Variants in OR6N2 observed in about 807,000 individuals in gnomAD.
OR6N2 encodes olfactory receptor family 6 subfamily N member 2.
For missense variants in OR6N2, 399 were observed against 379.7 expected, an observed-to-expected ratio of 1.05 and a Z score of -0.42; for synonymous variants, 160 against 138.3, an observed-to-expected ratio of 1.16 and a Z score of -1.10.
Position 158,776,966 on chromosome 1 carries a change from C to T in OR6N2, c.670G>A (p.Ala224Thr). 1.2e-6 allele frequency: 2 copies of T among 1,614,066 alleles called. No homozygotes were observed. Among genetic ancestry groups the T allele is most frequent in the Admixed American group, 1.7e-5 (1 of 60,000 alleles). ...IMISYARIIG[A>T]VLKIKTASGR... is the part of the protein sequence containing the mutation. ...GATGCTGTTTTTATCTTCAGCACAG[C>T]CCCAATGATCCTTGCATAAGAAATC... Residue 224 changes from alanine to threonine, a missense_variant, in exon 2 of 2, where the codon GCT becomes ACT. By Grantham distance (58) the Ala-to-Thr change is moderately conservative. Coordinates refer to ENST00000641131, the MANE Select transcript of OR6N2 (RefSeq NM_001005278.2).
Position 158,775,093 on chromosome 1 carries a change from T to C in OR6N2, c.*1589A>G, listed in dbSNP as rs917940221. 2 of 152,202 alleles carry C rather than the reference T, an allele frequency of 1.3e-5. No homozygotes were observed. Among genetic ancestry groups the C allele is most frequent in the Non-Finnish European group, 2.9e-5 (2 of 68,036 alleles). 9.4% of individuals were successfully genotyped at this position (152,202 alleles called of 1,614,324 possible). ...AGACCAAATCTAGTTTATAGATACT[T>C]GTAGGAAAGAATGACAAACTATATC... On this transcript the variant is annotated 3_prime_UTR_variant, in exon 2 of 2. Transcript: ENST00000641131.
At chr1:158,780,183 C>A (rs1207197400) in intron 1 of OR6N2, among the ~76,000 whole-genome samples, 1 of 152,072 alleles carries the variant, frequency 6.6e-6, no homozygotes, top group Non-Finnish European at 1.5e-5. Flanking sequence ...TCCCACTGAC[C>A]CAGAGAAATT....
Position 158,776,892 on chromosome 1 carries a change from G to C in OR6N2, c.744C>G (p.Val248=). The change falls in exon 2 of 2, where the codon GTC becomes GTG. Residue 248 remains valine, a synonymous_variant. Transcript: ENST00000641131. ...AGATGATGCTCCCAAAGAAGATGAG[G>C]ACCACAGCAAGATGTGAGGCACAGG... ...FSTCASHLAV[V]LIFFGSIIFM... 2 of 1,614,110 alleles carry C rather than the reference G, an allele frequency of 1.2e-6. No individual in the cohort carries two copies. Among genetic ancestry groups the C allele is most frequent in the Non-Finnish European group, 1.7e-6 (2 of 1,180,010 alleles).
At position 158,777,053 on chromosome 1, in the gene OR6N2, T is replaced by G. The variant is rs1219197600; in HGVS notation, c.583A>C (p.Asn195His). The G allele has an allele frequency of 1.9e-6, 3 of 1,614,132 alleles. No homozygotes were observed. Among genetic ancestry groups the G allele is most frequent in the Middle Eastern group, 1.6e-4 (1 of 6,062 alleles). The change falls in exon 2 of 2, where the codon AAC (asparagine) becomes CAC (histidine). Residue 195 changes from asparagine (N) to histidine (H), a missense_variant. Physicochemically the swap from Asn to His is moderately conservative, Grantham distance 68. Coordinates refer to ENST00000641131, the MANE Select transcript of OR6N2 (RefSeq NM_001005278.2). Reference protein sequence around the residue: ...LSLACKDTSANILVDFAINAF... With the variant: ...LSLACKDTSAHILVDFAINAF... ...TTAATGGCAAAGTCCACCAGAATGT[T>G]AGCAGATGTGTCCTTGCAGGCCAAG...
At chr1:158,777,775 A>G (rs1021343107) in intron 1 of OR6N2, 134 bp from the exon 2 acceptor site, 2 of 600,482 alleles carry the variant, frequency 3.3e-6, no homozygotes, top group Non-Finnish European at 6.0e-6. Context: ...CACTACTATT[A>G]CTATTACTGT....
In OR6N2 at chr1:158,776,171, G is replaced by T. The variant is rs897154020; in HGVS notation, c.*511C>A. On this transcript the variant is annotated 3_prime_UTR_variant, in exon 2 of 2. Transcript: ENST00000641131. ...GTTAGGGAGAGTTAAGGAGTAAAAAGTTAGGAGAATTGAGGCATAAAAACT... is the reference window on the plus strand; with the variant it reads ...GTTAGGGAGAGTTAAGGAGTAAAAATTTAGGAGAATTGAGGCATAAAAACT... 6.6e-6 allele frequency: 1 copy of T among 152,228 alleles called. No individual in the cohort carries two copies. Among genetic ancestry groups the T allele is most frequent in the Non-Finnish European group, 1.5e-5 (1 of 68,104 alleles). 9.4% of individuals were successfully genotyped at this position (152,228 alleles called of 1,614,324 possible). A position where few individuals can be genotyped will look rare whatever the true frequency, so the allele number is the denominator to read the frequency against.
In OR6N2 at chr1:158,774,418, A is replaced by C. The variant is rs1657527280; in HGVS notation, c.*2264T>G. ...TAGACATGCAGCAATGAGAAACAGAAGCCTGGGGTTCATCACAAGCCCATT... is the reference window on the plus strand; with the variant it reads ...TAGACATGCAGCAATGAGAAACAGACGCCTGGGGTTCATCACAAGCCCATT... On this transcript the variant is annotated 3_prime_UTR_variant, in exon 2 of 2. Coordinates refer to ENST00000641131, the MANE Select transcript of OR6N2 (RefSeq NM_001005278.2). The C allele has an allele frequency of 6.6e-6, 1 of 152,180 alleles. No individual in the cohort carries two copies. Among genetic ancestry groups the C allele is most frequent in the Admixed American group, 6.5e-5 (1 of 15,280 alleles). 9.4% of individuals were successfully genotyped at this position (152,180 alleles called of 1,614,324 possible).
rs1015482273 is a variant in OR6N2, at chr1:158,775,561, G to T, written c.*1121C>A. ...TTTATAAAATGGTATATACAATTCAGATTTCAAATACATTACTTTATATTT... is the reference window on the plus strand; with the variant it reads ...TTTATAAAATGGTATATACAATTCATATTTCAAATACATTACTTTATATTT... On this transcript the variant is annotated 3_prime_UTR_variant, in exon 2 of 2. Transcript: ENST00000641131. 6.6e-6 allele frequency: 1 copy of T among 152,154 alleles called. No homozygotes were observed. The highest frequency in any genetic ancestry group is 1.5e-5 in the Non-Finnish European group (1 of 68,034). The allele number at this position is 152,154 out of a possible 1,614,324, so 9.4% of individuals were successfully genotyped here.
chr1:158,776,849 T>A lies in OR6N2; in HGVS notation c.787A>T (p.Lys263Ter). ...GSIIFMYVRL[K>*]KSYSLTLDRT... is the part of the protein sequence containing the mutation. ...TCAAGGGTCAGGGAATAGCTCTTCTTTAGCCGCACATACATGAAGATGATG... is the reference window on the plus strand; with the variant it reads ...TCAAGGGTCAGGGAATAGCTCTTCTATAGCCGCACATACATGAAGATGATG... Residue 263 changes from lysine (K) to a stop codon, truncating the protein, a stop_gained, in exon 2 of 2, where the codon AAG becomes TAG. Coordinates refer to ENST00000641131, the MANE Select transcript of OR6N2 (RefSeq NM_001005278.2). LOFTEE classifies it low-confidence loss of function (END_TRUNC). 1.9e-6 allele frequency: 3 copies of A among 1,614,166 alleles called. No individual in the cohort carries two copies. Among genetic ancestry groups the A allele is most frequent in the Non-Finnish European group, 2.5e-6 (3 of 1,180,022 alleles).
At position 158,774,400 on chromosome 1, in the gene OR6N2, G is replaced by A. The variant is rs1287778642; in HGVS notation, c.*2282C>T. On this transcript the variant is annotated 3_prime_UTR_variant, in exon 2 of 2. Transcript: ENST00000641131. Reference sequence around the variant, plus strand: ...AAGCAGATTTGTTACTCATAGACATGCAGCAATGAGAAACAGAAGCCTGGG... The same window carrying A: ...AAGCAGATTTGTTACTCATAGACATACAGCAATGAGAAACAGAAGCCTGGG... 6.6e-6 allele frequency: 1 copy of A among 152,070 alleles called. No homozygotes were observed. Among genetic ancestry groups the A allele is most frequent in the Non-Finnish European group, 1.5e-5 (1 of 68,036 alleles). 9.4% of individuals were successfully genotyped at this position (152,070 alleles called of 1,614,324 possible). A position where few individuals can be genotyped will look rare whatever the true frequency, so the allele number is the denominator to read the frequency against.
At chr1:158,778,054 C>A (rs1163384042) in intron 1 of OR6N2, among the ~76,000 whole-genome samples, 1 of 152,246 alleles carries the variant, frequency 6.6e-6, no homozygotes, top group Non-Finnish European at 1.5e-5. Context: ...AACATTCTAA[C>A]TCCTCTTCCC....
Position 158,776,445 on chromosome 1 carries a change from A to G in OR6N2, c.*237T>C, listed in dbSNP as rs972520356. Reference sequence around the variant, plus strand: ...ATGGAAATGTGTGGACCTAGGAAATATACATGCTTTTTTTTAAAAAAAGAA... The same window carrying G: ...ATGGAAATGTGTGGACCTAGGAAATGTACATGCTTTTTTTTAAAAAAAGAA... On this transcript the variant is annotated 3_prime_UTR_variant, in exon 2 of 2. Coordinates refer to ENST00000641131, the MANE Select transcript of OR6N2 (RefSeq NM_001005278.2). 3 of 364,574 alleles carry G rather than the reference A, an allele frequency of 8.2e-6. No individual in the cohort carries two copies. Among genetic ancestry groups the G allele is most frequent in the Middle Eastern group, 7.1e-4 (1 of 1,410 alleles). The allele number at this position is 364,574 out of a possible 1,614,324, so 22.6% of individuals were successfully genotyped here. A position where few individuals can be genotyped will look rare whatever the true frequency, so the allele number is the denominator to read the frequency against.
intron 1 of OR6N2, among the ~76,000 whole-genome samples, chr1:158,779,933 T>C (rs943880778): frequency 6.6e-6 from 1 of 152,248 alleles, no homozygotes; most frequent in African/African-American, 2.4e-5. Context: ...GCAAATGTAG[T>C]ACTTCATTAA....
At chr1:158,778,476 C>T (rs1003971458) in intron 1 of OR6N2, among the ~76,000 whole-genome samples, 1 of 152,162 alleles carries the variant, frequency 6.6e-6, no homozygotes, top group Admixed American at 6.5e-5. Flanking sequence ...ATGAAGGAAA[C>T]ACATGTTCCC....
At chr1:158,778,027 C>T (rs1330705862) in intron 1 of OR6N2, among the ~76,000 whole-genome samples, 2 of 152,216 alleles carry the variant, frequency 1.3e-5, no homozygotes, top group Non-Finnish European at 2.9e-5. Flanking sequence ...TAGCTCTATA[C>T]TATATGACTG....
At chr1:158,780,194 AAATTC>A (rs2102017425) in intron 1 of OR6N2, among the ~76,000 whole-genome samples, 1 of 152,310 alleles carries the variant, frequency 6.6e-6, no homozygotes, top group East Asian at 1.9e-4. Context: ...CAGAGAAATT[AAATTC>A]AAGAAATAGT....
chr1:158,774,743 C>T lies in OR6N2; in HGVS notation c.*1939G>A, dbSNP rs1180345631. On this transcript the variant is annotated 3_prime_UTR_variant, in exon 2 of 2. Coordinates refer to ENST00000641131, the MANE Select transcript of OR6N2 (RefSeq NM_001005278.2). ...AAAAATACAGATCCAGAAAATTAAC[C>T]TAGTATGATGCACAGTAGCTAAGCA... is the stretch of plus-strand genomic sequence containing the variant. 1 of 151,776 alleles carries T rather than the reference C, an allele frequency of 6.6e-6. No individual in the cohort carries two copies. The highest frequency in any genetic ancestry group is 1.5e-5 in the Non-Finnish European group (1 of 68,010). 9.4% of individuals were successfully genotyped at this position (151,776 alleles called of 1,614,324 possible).
chr1:158,777,510 G>C lies in OR6N2; in HGVS notation c.126C>G (p.Asn42Lys), dbSNP rs1011322331. Residue 42 changes from asparagine (N) to lysine (K), a missense_variant, in exon 2 of 2, where the codon AAC becomes AAG. Transcript: ENST00000641131. ...GTCGGATGACTGAGAAGATGAGCAT[G>C]TTACCACAGATGGTGAACAGGTATG... ...LLAYLFTICG[N>K]MLIFSVIRLD... The C allele has an allele frequency of 6.2e-7, 1 of 1,614,166 alleles. No individual in the cohort carries two copies.
Position 158,777,599 on chromosome 1 carries a change from CA to C in OR6N2, c.36del (p.Phe12LeufsTer123). On this transcript the variant is annotated frameshift_variant, in exon 2 of 2. Transcript: ENST00000641131. LOFTEE classifies it low-confidence loss of function (END_TRUNC). ...DQYNHSSLAEFVFLGFASVGY... is the reference protein window; with the variant it reads ...DQYNHSSLAEXVFLGFASVGY... Reference sequence around the variant, plus strand: ...CCCACACTGGCAAAGCCAAGGAACACAAATTCAGCCAGGCTTGAATGGTTGT... The same window carrying C: ...CCCACACTGGCAAAGCCAAGGAACACAATTCAGCCAGGCTTGAATGGTTGT... 1 of 1,613,792 alleles carries C rather than the reference CA, an allele frequency of 6.2e-7. No individual in the cohort carries two copies. The highest frequency in any genetic ancestry group is 8.5e-7 in the Non-Finnish European group (1 of 1,179,912).
Sources: gnomAD v4.1 joint callset for allele counts (sites outside exome capture counted in the v4.1 genomes callset) on GRCh38, gnomAD v4.1.1 for gene constraint, MANE v1.5 for transcripts, NCBI Gene and HGNC (gene_info 2026-07-23, HGNC 2026-07-21) for gene names.